The following SMU1 variants were observed in gnomAD, a reference collection of about 807,000 sequenced individuals.
SMU1 encodes SMU1 DNA replication regulator and spliceosomal factor, also known as WD40 repeat-containing protein SMU1.
A neutral mutation model predicts 62.0 loss-of-function variants in SMU1; 2 were observed. The observed-to-expected ratio is 0.03, with a 90% CI of 0.01 to 0.10. SMU1 has a LOEUF of 0.10. Among genes scored for constraint, SMU1 ranks in the 10% least tolerant of loss-of-function variants. SMU1 has a pLI of 1.00. For synonymous variants in SMU1, 188 were observed against 212.4 expected, an observed-to-expected ratio of 0.89 and a Z score of 1.00; for missense variants, 227 against 622.1, an observed-to-expected ratio of 0.36 and a Z score of 6.76.
At position 33,044,298 on chromosome 9, in the gene SMU1, T is replaced by C. The variant is rs1319427172; in HGVS notation, c.*2995A>G. ...CCGCTGCCACCGGCCCTTAAGACGA[T>C]GTGACCGCCAATTTTGTAACAGTGA... is the stretch of plus-strand genomic sequence containing the variant. On this transcript the variant is annotated 3_prime_UTR_variant, in exon 12 of 12. Coordinates refer to ENST00000397149, the MANE Select transcript of SMU1 (RefSeq NM_018225.3). The C allele has an allele frequency of 6.6e-6, 1 of 152,436 alleles. No homozygotes were observed. The highest frequency in any genetic ancestry group is 2.4e-5 in the African/African-American group (1 of 41,446). 9.4% of individuals were successfully genotyped at this position (152,436 alleles called of 1,614,324 possible).
At position 33,051,143 on chromosome 9, in the gene SMU1, A is replaced by T. The variant is rs954605461; in HGVS notation, c.1290+1980T>A. On this transcript the variant is annotated intron_variant, in intron 10 of 11. Transcript: ENST00000397149. ...CTCAAAAAAAAAAAAAAATAAAAATAAAAATAAAAAATAAGCTATCAAACC... is the reference window on the plus strand; with the variant it reads ...CTCAAAAAAAAAAAAAAATAAAAATTAAAATAAAAAATAAGCTATCAAACC... Among the ~76,000 whole-genome samples, 28 of 136,714 alleles carry T rather than the reference A, an allele frequency of 2.0e-4. 2 individuals are homozygous for T. The highest frequency in any genetic ancestry group is 4.2e-4 in the Non-Finnish European group (26 of 62,048). The allele number at this position is 136,714 out of a possible 152,430, so 89.7% of individuals were successfully genotyped here.
chr9:33,071,918 A>G (rs770222287), intron 2 of SMU1, 26 bp from the exon 3 acceptor site: 9 of 1,496,922 alleles, frequency 6.0e-6, no homozygotes, highest in Non-Finnish European at 8.0e-6. Flanking sequence ...AAAACAAAAA[A>G]AACCCCAGAT....
chr9:33,069,726 T>C (rs1839465638), intron 3 of SMU1, among the ~76,000 whole-genome samples: 1 of 152,096 alleles, frequency 6.6e-6, no homozygotes, highest in South Asian at 2.1e-4. Flanking sequence ...TCCTGGAACC[T>C]GGGAGGTGGA....
At chr9:33,068,691 G>T in intron 4 of SMU1, 133 bp downstream of exon 4, 1 of 1,027,634 alleles carries the variant, frequency 9.7e-7, no homozygotes, top group Non-Finnish European at 1.4e-6. Flanking sequence ...TTTTTGTAGA[G>T]ACAGAGTCTC....
At chr9:33,049,587 T>G (rs1839221039) in intron 10 of SMU1, among the ~76,000 whole-genome samples, 1 of 152,178 alleles carries the variant, frequency 6.6e-6, no homozygotes, top group Admixed American at 6.5e-5. Flanking sequence ...AAATAACTGA[T>G]AAGCTAGACT....
intron 4 of SMU1, among the ~76,000 whole-genome samples, chr9:33,064,253 T>C (rs1839394660): frequency 6.6e-6 from 1 of 152,184 alleles, no homozygotes; most frequent in South Asian, 2.1e-4. Context: ...TTTTGGATTA[T>C]AGCTTTATAG....
rs1337420709 is a variant in SMU1, at chr9:33,041,862, AGTATT to A, written c.*5426_*5430del. ...GAAATAAGCCAGATAAAAAAGGACA[AGTATT>A]GTATAATTTCACTTATATGAACTAA... On this transcript the variant is annotated 3_prime_UTR_variant, in exon 12 of 12. Transcript: ENST00000397149. The A allele has an allele frequency of 6.6e-6, 1 of 151,606 alleles. No homozygotes were observed. The highest frequency in any genetic ancestry group is 1.5e-5 in the Non-Finnish European group (1 of 67,952). The allele number at this position is 151,606 out of a possible 1,614,324, so 9.4% of individuals were successfully genotyped here. A position where few individuals can be genotyped will look rare whatever the true frequency, so the allele number is the denominator to read the frequency against.
intron 11 of SMU1, among the ~76,000 whole-genome samples, chr9:33,047,858 C>CAAAAT (rs755456828): frequency 9.9e-5 from 15 of 151,766 alleles, no homozygotes; most frequent in Admixed American, 3.3e-4. Context: ...GACTCCCTCT[C>CAAAAT]AAAATAAAAT....
intron 10 of SMU1, among the ~76,000 whole-genome samples, chr9:33,050,819 C>A (rs1428280290): frequency 7.5e-6 from 1 of 133,520 alleles, no homozygotes; most frequent in East Asian, 2.1e-4. Flanking sequence ...AGGTGAGACT[C>A]CATCTCAAAA....
intron 2 of SMU1, among the ~76,000 whole-genome samples, chr9:33,072,261 C>T (rs551721673): frequency 6.6e-6 from 1 of 151,870 alleles, no homozygotes; most frequent in Non-Finnish European, 1.5e-5. Context: ...TGCTTGAACC[C>T]GAGAGGCGGA....
Position 33,068,778 on chromosome 9 carries a change from G to A in SMU1, c.501+46C>T. ...CCTCAGCCTCCCAAAGTGCAAGGAT[G>A]ACAGGTGTGAGCCACCACACCTGGC... On this transcript the variant is annotated intron_variant, in intron 4 of 11. Coordinates refer to ENST00000397149, the MANE Select transcript of SMU1 (RefSeq NM_018225.3). 1.9e-6 allele frequency: 3 copies of A among 1,603,484 alleles called. No homozygotes were observed. In the South Asian group the frequency reaches 3.3e-5, roughly 18 times the overall value.
intron 8 of SMU1, 156 bp from the exon 9 acceptor site, chr9:33,056,395 T>C (rs1839304512): frequency 2.7e-6 from 1 of 370,730 alleles, no homozygotes; most frequent in African/African-American, 2.2e-5. Flanking sequence ...ATTTTCACTA[T>C]ATCAAACAAT....
chr9:33,059,880 G>C (rs958494397), intron 6 of SMU1, among the ~76,000 whole-genome samples: 2 of 151,568 alleles, frequency 1.3e-5, no homozygotes, highest in African/African-American at 4.8e-5. Context: ...CTAAAGTGCT[G>C]GGATTACAGG....
intron 11 of SMU1, 75 bp downstream of exon 11, chr9:33,048,031 G>A: frequency 7.2e-7 from 1 of 1,396,750 alleles, no homozygotes; most frequent in Non-Finnish European, 9.9e-7. Flanking sequence ...CTCTGGAAAA[G>A]GCACATACTT....
At chr9:33,069,069 G>A in intron 3 of SMU1, 135 bp from the exon 4 acceptor site, 3 of 1,330,490 alleles carry the variant, frequency 2.3e-6, no homozygotes, top group East Asian at 5.6e-5. Context: ...GAAGGGATTA[G>A]TTGAACTAAT....
At chr9:33,071,570 T>C (rs969406529) in intron 3 of SMU1, among the ~76,000 whole-genome samples, 170 bp downstream of exon 3, 2 of 152,076 alleles carry the variant, frequency 1.3e-5, no homozygotes, top group African/African-American at 4.8e-5. Context: ...ATTATTCTCT[T>C]TAACATACGC....
At chr9:33,061,828 G>A (rs762831820) in intron 5 of SMU1, among the ~76,000 whole-genome samples, 2 of 152,216 alleles carry the variant, frequency 1.3e-5, no homozygotes, top group African/African-American at 4.8e-5. Context: ...TGGGCTAGAT[G>A]TCAAGCTAGA....
intron 4 of SMU1, among the ~76,000 whole-genome samples, chr9:33,067,297 CAAAAAAAAAAAAAA>C (rs58105257): frequency 1.3e-4 from 7 of 52,764 alleles, no homozygotes; most frequent in Non-Finnish European, 1.7e-4. Context: ...TGCTAATGAC[CAAAAAAAAAAAAAA>C]AAAAAAAAAA....
chr9:33,060,733 A>T (rs1839353198), intron 5 of SMU1, 149 bp from the exon 6 acceptor site: 1 of 944,758 alleles, frequency 1.1e-6, no homozygotes. Flanking sequence ...CTGTACCTGG[A>T]CGCAGGGAGC....
Sources: gnomAD v4.1 joint callset for allele counts (sites outside exome capture counted in the v4.1 genomes callset) on GRCh38, gnomAD v4.1.1 for gene constraint, MANE v1.5 for transcripts, NCBI Gene and HGNC (gene_info 2026-07-23, HGNC 2026-07-21) for gene names.